The following CHLSN variants were observed in gnomAD, a reference collection of about 807,000 sequenced individuals.
CHLSN encodes protein cholesin.
the CHLSN span, chr7:997,329 G>A: frequency 2.8e-6 from 1 of 354,240 alleles, no homozygotes; most frequent in African/African-American, 2.1e-5. Context: ...GGGCTGGAGG[G>A]TCCCTCCAAG....
At chr7:1,004,641 G>C in the CHLSN span, among the ~76,000 whole-genome samples, 1 of 152,188 alleles carries the variant, frequency 6.6e-6, no homozygotes, top group Non-Finnish European at 1.5e-5. Context: ...GGGCGGGTGG[G>C]GTGCTCAGTG....
the CHLSN span, among the ~76,000 whole-genome samples, chr7:1,038,927 G>A: frequency 0.34 from 17,992 of 52,878 alleles, 5,333 homozygotes; most frequent in African/African-American, 0.71. Context: ...TCTGGGAGGT[G>A]AGGGGCGCCT....
the CHLSN span, among the ~76,000 whole-genome samples, chr7:999,186 A>G: frequency 5.9e-5 from 9 of 152,254 alleles, no homozygotes; most frequent in African/African-American, 2.2e-4. Flanking sequence ...TACTTTTGGT[A>G]ATAGTAACAT....
the CHLSN span, among the ~76,000 whole-genome samples, chr7:1,068,954 C>T: frequency 1.3e-5 from 2 of 152,176 alleles, no homozygotes; most frequent in Non-Finnish European, 2.9e-5. Context: ...GAGGGGCCTG[C>T]GTACTGGGGG....
At chr7:1,106,407 G>A in the CHLSN span, among the ~76,000 whole-genome samples, 12 of 152,192 alleles carry the variant, frequency 7.9e-5, no homozygotes, top group African/African-American at 2.9e-4. Flanking sequence ...GTGGGGGAGA[G>A]GACAGAGCCA....
chr7:1,019,805 G>A, the CHLSN span, among the ~76,000 whole-genome samples: 1 of 152,236 alleles, frequency 6.6e-6, no homozygotes, highest in African/African-American at 2.4e-5. Context: ...AGTGTGGGGG[G>A]CTGGGGCTGC....
the CHLSN span, among the ~76,000 whole-genome samples, chr7:1,052,764 G>C: frequency 1.3e-5 from 2 of 152,122 alleles, no homozygotes; most frequent in African/African-American, 2.4e-5. This position sits in a 1 kb window ranked among gnomAD's most constrained non-coding sequence, Gnocchi z 4.2. Flanking sequence ...CGGGTGACTG[G>C]AGGGCATGTG....
the CHLSN span, chr7:986,500 C>A: frequency 1.7e-6 from 2 of 1,152,720 alleles, no homozygotes; most frequent in East Asian, 4.9e-5. Flanking sequence ...GTTCTGTGGC[C>A]GCCTCCAGCA....
At chr7:1,058,109 G>GC in the CHLSN span, 1 of 762,170 alleles carries the variant, frequency 1.3e-6, no homozygotes, top group African/African-American at 1.7e-5. Flanking sequence ...GCTACGTGGT[G>GC]CCAGCACTGG....
the CHLSN span, chr7:1,021,349 G>C: frequency 2.0e-6 from 2 of 984,320 alleles, no homozygotes; most frequent in African/African-American, 3.5e-5. Flanking sequence ...CATCGTGGCA[G>C]TAGGACCTGA....
At chr7:988,179 G>A in the CHLSN span, 4 of 1,362,708 alleles carry the variant, frequency 2.9e-6, no homozygotes, top group Non-Finnish European at 4.0e-6. Flanking sequence ...GGTGTGGTGG[G>A]TGTGGCAGGA....
chr7:990,561 C>T, the CHLSN span, among the ~76,000 whole-genome samples: 1 of 152,002 alleles, frequency 6.6e-6, no homozygotes, highest in Non-Finnish European at 1.5e-5. Context: ...CCGGGACACA[C>T]GGGTGCACGG....
the CHLSN span, among the ~76,000 whole-genome samples, chr7:1,009,021 A>ACG: frequency 3.2e-5 from 4 of 124,144 alleles, no homozygotes; most frequent in African/African-American, 1.5e-4. Flanking sequence ...ACACATACAC[A>ACG]TGCACACACG....
At chr7:992,562 G>A in the CHLSN span, among the ~76,000 whole-genome samples, 2 of 152,392 alleles carry the variant, frequency 1.3e-5, no homozygotes, top group Admixed American at 6.5e-5. Flanking sequence ...GTAGGGGCCT[G>A]GGGCCTTGTC....
the CHLSN span, among the ~76,000 whole-genome samples, chr7:1,099,669 T>A: frequency 1.3e-5 from 2 of 152,140 alleles, no homozygotes; most frequent in African/African-American, 4.8e-5. Flanking sequence ...CCTCAGAAAG[T>A]GGAGATGCCA....
the CHLSN span, chr7:983,161 C>T: frequency 1.6e-5 from 23 of 1,409,514 alleles, no homozygotes; most frequent in Middle Eastern, 2.6e-4. Flanking sequence ...TATAAGGGTG[C>T]GGGGGGGACG....
chr7:1,136,501 T>A, the CHLSN span, among the ~76,000 whole-genome samples: 1 of 105,906 alleles, frequency 9.4e-6, no homozygotes, highest in African/African-American at 5.0e-5. Context: ...AACATATAAA[T>A]ATATATAAAC....
chr7:1,014,938 A>T, the CHLSN span, among the ~76,000 whole-genome samples: 1 of 152,202 alleles, frequency 6.6e-6, no homozygotes, highest in Non-Finnish European at 1.5e-5. Flanking sequence ...CGGTGCAGTG[A>T]GCACAGGTGT....
At chr7:1,136,489 TAA>T in the CHLSN span, among the ~76,000 whole-genome samples, 2 of 121,852 alleles carry the variant, frequency 1.6e-5, no homozygotes, top group Non-Finnish European at 3.2e-5. Flanking sequence ...TAAACATATA[TAA>T]ACATATAAAT....
Sources: gnomAD v4.1 joint callset for allele counts (sites outside exome capture counted in the v4.1 genomes callset) on GRCh38, gnomAD v4.1.1 for gene constraint, Gnocchi (gnomAD v3.1) non-coding constraint, MANE v1.5 for transcripts, NCBI Gene and HGNC (gene_info 2026-07-23, HGNC 2026-07-21) for gene names.